Variants in TOX observed in about 807,000 individuals in gnomAD.
TOX encodes thymocyte selection associated high mobility group box, also known as thymocyte selection-associated high mobility group box protein TOX.
TOX carries 11 observed loss-of-function variants against 53.7 expected under a neutral mutation model. The observed-to-expected ratio is 0.20, with a 90% CI of 0.13 to 0.34. The LOEUF is 0.34. Among genes scored for constraint, TOX ranks in the 10% least tolerant of loss-of-function variants. TOX has a pLI of 1.00. For synonymous variants in TOX, 225 were observed against 245.3 expected (o/e 0.92, Z 0.77); for missense variants, 570 against 664.6 (o/e 0.86, Z 1.56).
chr8:58,952,399 A>G (rs1238203696), intron 2 of TOX, among the ~76,000 whole-genome samples: 2 of 152,248 alleles, frequency 1.3e-5, no homozygotes, highest in Admixed American at 6.5e-5. Context: ...ATTATGCGCT[A>G]CCAGAAAAGA....
At chr8:58,956,407 C>T (rs912105856) in intron 2 of TOX, among the ~76,000 whole-genome samples, 6 of 152,024 alleles carry the variant, frequency 3.9e-5, no homozygotes, top group African/African-American at 9.7e-5. Context: ...CTGGCATATT[C>T]GTCCAGATAT....
intron 3 of TOX, among the ~76,000 whole-genome samples, chr8:58,905,081 C>T (rs190505388): frequency 2.5e-4 from 38 of 152,228 alleles, no homozygotes; most frequent in Middle Eastern, 6.8e-3. Context: ...TACAGGCGCG[C>T]GCCACCACGC....
At chr8:59,060,461 A>C (rs1376258938) in intron 1 of TOX, among the ~76,000 whole-genome samples, 1 of 152,188 alleles carries the variant, frequency 6.6e-6, no homozygotes, top group Non-Finnish European at 1.5e-5. Flanking sequence ...CCCCGTCTCT[A>C]CTAAAAATAC....
intron 6 of TOX, among the ~76,000 whole-genome samples, chr8:58,818,011 A>G (rs1810209898): frequency 6.6e-6 from 1 of 152,202 alleles, no homozygotes; most frequent in South Asian, 2.1e-4. Context: ...GGTCCATCAT[A>G]TAGAGAGATG....
intron 1 of TOX, among the ~76,000 whole-genome samples, chr8:59,069,884 C>T (rs778307081): frequency 9.9e-5 from 15 of 152,174 alleles, no homozygotes; most frequent in South Asian, 2.1e-4. Flanking sequence ...CCTTTCAGAG[C>T]GAGAAGGGCC....
intron 6 of TOX, among the ~76,000 whole-genome samples, chr8:58,824,149 G>A (rs1393039405): frequency 2.0e-5 from 3 of 152,154 alleles, no homozygotes; most frequent in Admixed American, 6.6e-5. Flanking sequence ...TGGCCCAGCA[G>A]AAGACTGAGG....
intron 3 of TOX, among the ~76,000 whole-genome samples, chr8:58,928,265 C>A (rs1812198141): frequency 6.6e-6 from 1 of 152,214 alleles, no homozygotes; most frequent in Non-Finnish European, 1.5e-5. Flanking sequence ...TACAGGCCAG[C>A]CTTGTGTGCT....
intron 6 of TOX, among the ~76,000 whole-genome samples, chr8:58,825,842 A>T (rs1283662415): frequency 6.6e-6 from 1 of 152,224 alleles, no homozygotes; most frequent in Admixed American, 6.5e-5. Flanking sequence ...TTTCAGAAGG[A>T]ATTAGATAAA....
At chr8:58,942,473 T>C (rs1381201500) in intron 2 of TOX, among the ~76,000 whole-genome samples, 1 of 152,200 alleles carries the variant, frequency 6.6e-6, no homozygotes, top group Non-Finnish European at 1.5e-5. Context: ...TTCTGTTCTT[T>C]ATATTAGAAA....
chr8:59,085,979 C>CTTTTTTTTTTTTTTTTTTTT (rs35593177), intron 1 of TOX, among the ~76,000 whole-genome samples: 3 of 88,822 alleles, frequency 3.4e-5, no homozygotes, highest in Non-Finnish European at 6.7e-5. Context: ...CTTTTCTTTT[C>CTTTTTTTTTTTTTTTTTTTT]TTTTTTTTTT....
intron 1 of TOX, among the ~76,000 whole-genome samples, chr8:58,992,486 AT>A (rs770953838): frequency 9.2e-5 from 14 of 152,022 alleles, no homozygotes; most frequent in Non-Finnish European, 1.9e-4. Context: ...GCCCAACATT[AT>A]TTTTTGCTTT....
intron 1 of TOX, among the ~76,000 whole-genome samples, chr8:59,003,503 T>C (rs925259155): frequency 1.3e-5 from 2 of 152,170 alleles, no homozygotes; most frequent in African/African-American, 4.8e-5. Context: ...TTCACGAGGA[T>C]TGTGGAAAAG....
intron 3 of TOX, among the ~76,000 whole-genome samples, chr8:58,895,005 T>C (rs1051811085): frequency 2.0e-5 from 3 of 151,892 alleles, no homozygotes; most frequent in Non-Finnish European, 2.9e-5. Flanking sequence ...CTGGCCAATA[T>C]GGGGAAACCG....
chr8:58,889,311 T>C (rs1322692564), intron 3 of TOX, among the ~76,000 whole-genome samples: 1 of 147,920 alleles, frequency 6.8e-6, no homozygotes, highest in African/African-American at 2.5e-5. Context: ...AATGGAACAC[T>C]AGGCAATGAT....
intron 3 of TOX, among the ~76,000 whole-genome samples, chr8:58,920,712 A>G (rs1324494862): frequency 5.8e-5 from 4 of 69,370 alleles, no homozygotes; most frequent in Non-Finnish European, 9.7e-5. Context: ...TATAATAAAA[A>G]AAAAACATTA....
intron 1 of TOX, among the ~76,000 whole-genome samples, chr8:58,981,440 C>T (rs146625489): frequency 2.6e-5 from 4 of 152,272 alleles, no homozygotes; most frequent in African/African-American, 7.2e-5. Context: ...TTACCCTTCG[C>T]CTGGCCTGGG....
chr8:58,838,141 A>G lies in TOX; in HGVS notation c.864T>C (p.Phe288=), dbSNP rs1164772058. Residue 288 remains phenylalanine (F), a synonymous_variant, in exon 5 of 9, where the codon TTT becomes TTC. Transcript: ENST00000361421. ...AIKGQNPNAT[F]GEVSKIVASM... ...AAGCCACAATTTTAGAGACTTCGCC[A>G]AAGGTAGCGTTTGGATTTTGGCCCT... The G allele has an allele frequency of 6.2e-7, 1 of 1,614,196 alleles. No homozygotes were observed. Among genetic ancestry groups the G allele is most frequent in the Admixed American group, 1.7e-5 (1 of 60,026 alleles).
chr8:58,888,429 G>A (rs549145947), intron 3 of TOX, among the ~76,000 whole-genome samples: 8 of 152,084 alleles, frequency 5.3e-5, no homozygotes, highest in African/African-American at 9.6e-5. Flanking sequence ...ATGGAAATAC[G>A]TGACATGCAC....
chr8:58,985,832 GA>G (rs1813318327), intron 1 of TOX, among the ~76,000 whole-genome samples: 1 of 151,890 alleles, frequency 6.6e-6, no homozygotes, highest in Non-Finnish European at 1.5e-5. Flanking sequence ...CTTATGAAAT[GA>G]TTCCCTACAC....
Sources: gnomAD v4.1 joint callset for allele counts (sites outside exome capture counted in the v4.1 genomes callset) on GRCh38, gnomAD v4.1.1 for gene constraint, MANE v1.5 for transcripts, NCBI Gene and HGNC (gene_info 2026-07-23, HGNC 2026-07-21) for gene names.